RAPGEF4: variants seen among roughly 807,000 people sequenced by gnomAD.
The protein encoded by RAPGEF4 is Rap guanine nucleotide exchange factor 4.
RAPGEF4 carries 66 observed loss-of-function variants against 147.9 expected under a neutral mutation model. The ratio of observed to expected loss-of-function variants is 0.45; its 90% confidence interval spans 0.37 to 0.55. The LOEUF (loss-of-function observed/expected upper bound fraction) is 0.55, where lower values mean the gene tolerates loss of function less well. Ranked by LOEUF, RAPGEF4 falls within the 20% of genes least tolerant of loss-of-function variation. RAPGEF4 has a pLI of 0.00. For missense variants in RAPGEF4, 1,071 were observed against 1,257.3 expected (o/e 0.85, Z 2.24); for synonymous variants, 419 against 442.7 (o/e 0.95, Z 0.67).
chr2:172,918,615 CACTAA>C (rs1684368412), intron 5 of RAPGEF4, among the ~76,000 whole-genome samples: 1 of 152,148 alleles, frequency 6.6e-6, no homozygotes. Flanking sequence ...AGTGGGTCCC[CACTAA>C]ACTCAAAGAA....
chr2:172,876,128 T>C (rs1262787104), intron 4 of RAPGEF4, among the ~76,000 whole-genome samples: 2 of 152,282 alleles, frequency 1.3e-5, no homozygotes, highest in Non-Finnish European at 2.9e-5. Context: ...TTGCTTATTA[T>C]CAGCTTAAGG....
chr2:172,937,686 C>T (rs993215341), intron 6 of RAPGEF4, among the ~76,000 whole-genome samples: 2 of 152,196 alleles, frequency 1.3e-5, no homozygotes, highest in Non-Finnish European at 2.9e-5. Flanking sequence ...ACAGCCCACA[C>T]TTAAGGAGCA....
intron 4 of RAPGEF4, among the ~76,000 whole-genome samples, chr2:172,914,319 ATTTTTTTTTTTT>A (rs573065663): frequency 4.8e-5 from 3 of 62,412 alleles, no homozygotes; most frequent in African/African-American, 6.4e-5. Flanking sequence ...GGAAATATGC[ATTTTTTTTTTTT>A]TTTTTTTTTT....
chr2:172,785,949 G>A (rs559637152), intron 1 of RAPGEF4, among the ~76,000 whole-genome samples: 6 of 152,210 alleles, frequency 3.9e-5, no homozygotes, highest in Admixed American at 1.3e-4. Context: ...CACTCTCCAC[G>A]GTAAAGGGTT....
At chr2:172,752,317 A>C (rs988373874) in intron 1 of RAPGEF4, among the ~76,000 whole-genome samples, 4 of 152,220 alleles carry the variant, frequency 2.6e-5, no homozygotes, top group Non-Finnish European at 5.9e-5. Flanking sequence ...AAATTCCAAC[A>C]ATTTCTCATT....
At chr2:172,791,980 A>G (rs373221008) in intron 1 of RAPGEF4, among the ~76,000 whole-genome samples, 17 of 152,202 alleles carry the variant, frequency 1.1e-4, no homozygotes, top group African/African-American at 3.4e-4. Flanking sequence ...CTCTTTTCCT[A>G]TGTAGCTAAG....
chr2:173,035,403 C>T (rs1415806104), intron 27 of RAPGEF4, among the ~76,000 whole-genome samples: 9 of 150,842 alleles, frequency 6.0e-5, no homozygotes, highest in East Asian at 2.0e-4. Flanking sequence ...CCCAGCTACT[C>T]GGGAGGCTGA....
At chr2:172,817,806 A>G (rs1420717973) in intron 4 of RAPGEF4, among the ~76,000 whole-genome samples, 1 of 151,354 alleles carries the variant, frequency 6.6e-6, no homozygotes, top group Non-Finnish European at 1.5e-5. Flanking sequence ...ATAGCAGCAC[A>G]ATTCATGATT....
Position 172,878,025 on chromosome 2 carries a change from T to C in RAPGEF4, c.445-39777T>C, listed in dbSNP as rs541204711. 2.7e-4 allele frequency among the ~76,000 whole-genome samples: 41 copies of C among 152,310 alleles called. No individual in the cohort carries two copies. The South Asian group carries it at 3.1e-3, about 12-fold the overall frequency. ...CCGTGACTCAGCCAGCATTACTAAT[T>C]TGCTGTGGGAGGCAGGTTTTGAATT... On this transcript the variant is annotated intron_variant, in intron 4 of 30. Transcript: ENST00000397081.
In RAPGEF4 at chr2:172,830,474, A is replaced by C. The variant is rs191221530; in HGVS notation, c.444+16049A>C. 7.2e-5 allele frequency among the ~76,000 whole-genome samples: 11 copies of C among 152,346 alleles called. No homozygotes were observed. The East Asian group carries it at 2.1e-3, about 29-fold the overall frequency. The stretch of plus-strand genomic sequence containing the variant: ...CACAGATGTGTGGTTTTGTATCCTC[A>C]GTTCCATATCTCCCCAAAACTGTCC... On this transcript the variant is annotated intron_variant, in intron 4 of 30. Transcript: ENST00000397081.
intron 4 of RAPGEF4, among the ~76,000 whole-genome samples, chr2:172,875,569 A>G (rs1034742281): frequency 2.6e-5 from 4 of 151,954 alleles, no homozygotes; most frequent in Non-Finnish European, 4.4e-5. Context: ...GATGTGTGGT[A>G]TTATTTCGGA....
chr2:172,786,104 A>G (rs1484238223), intron 1 of RAPGEF4, among the ~76,000 whole-genome samples: 1 of 152,208 alleles, frequency 6.6e-6, no homozygotes, highest in Non-Finnish European at 1.5e-5. Context: ...GAACTGGCTA[A>G]TTAGTTCCTA....
chr2:172,829,866 A>G (rs1281471285), intron 4 of RAPGEF4, among the ~76,000 whole-genome samples: 1 of 150,868 alleles, frequency 6.6e-6, no homozygotes, highest in Non-Finnish European at 1.5e-5. Context: ...GCAAAGAGGG[A>G]TGATTCACAA....
At chr2:172,831,501 T>G (rs1690356079) in intron 4 of RAPGEF4, among the ~76,000 whole-genome samples, 1 of 151,926 alleles carries the variant, frequency 6.6e-6, no homozygotes, top group Non-Finnish European at 1.5e-5. Flanking sequence ...ACCCCTGATC[T>G]CAGGTGATCC....
chr2:173,003,035 T>C (rs1694088130), intron 17 of RAPGEF4, among the ~76,000 whole-genome samples: 1 of 152,078 alleles, frequency 6.6e-6, no homozygotes, highest in Admixed American at 6.5e-5. Context: ...TTTTAGCAGA[T>C]AAGCCTAAGG....
chr2:172,966,529 A>G (rs1435642418), intron 9 of RAPGEF4, among the ~76,000 whole-genome samples: 1 of 151,994 alleles, frequency 6.6e-6, no homozygotes, highest in Admixed American at 6.5e-5. Flanking sequence ...GCTTGTCTTT[A>G]CCTTTTGAGA....
At chr2:172,872,277 A>G (rs1006251140) in intron 4 of RAPGEF4, among the ~76,000 whole-genome samples, 3 of 152,158 alleles carry the variant, frequency 2.0e-5, no homozygotes, top group Admixed American at 6.6e-5. Context: ...TCTGTGACGA[A>G]CTATTATTCC....
chr2:172,870,004 G>T (rs1042244021), intron 4 of RAPGEF4, among the ~76,000 whole-genome samples: 1 of 152,066 alleles, frequency 6.6e-6, no homozygotes, highest in African/African-American at 2.4e-5. Flanking sequence ...TTCAAACTAG[G>T]AGCAATCCTG....
In RAPGEF4 at chr2:172,983,579, C is replaced by T. The variant is rs368287979; in HGVS notation, c.1088C>T (p.Thr363Ile). Residue 363 changes from threonine to isoleucine, a missense_variant and splice_region_variant, in exon 11 of 31, where the codon ACA (threonine) becomes ATA (isoleucine). By Grantham distance (89) the Thr-to-Ile change is moderately conservative (BLOSUM62 -1). Transcript: ENST00000397081. ...HIKALSHLST[T>I]VKRELAGVLI... ...AAAGCCTTATCCCATCTTTCTACCA[C>T]AGTAAGTTGTCTCTTAGTTTAGCAT... 1.2e-6 allele frequency: 2 copies of T among 1,613,340 alleles called. No homozygotes were observed. The highest frequency in any genetic ancestry group is 1.3e-5 in the African/African-American group (1 of 74,798).
Sources: gnomAD v4.1 joint callset for allele counts (sites outside exome capture counted in the v4.1 genomes callset) on GRCh38, gnomAD v4.1.1 for gene constraint, MANE v1.5 for transcripts, NCBI Gene and HGNC (gene_info 2026-07-23, HGNC 2026-07-21) for gene names.